Variants in ALKAL1 observed in about 807,000 individuals in gnomAD.
ALKAL1 encodes ALK and LTK ligand 1, also known as AUG-beta.
A neutral mutation model predicts 13.5 loss-of-function variants in ALKAL1; 23 were observed. That is an observed-to-expected ratio of 1.70 (90% CI 1.23 to 2.41). The LOEUF is 2.41. ALKAL1 is among the 30% of genes most tolerant of loss of function. The pLI is 0.00. For synonymous variants in ALKAL1, 85 were observed against 77.7 expected (o/e 1.09, Z -0.49); for missense variants, 181 against 178.4 (o/e 1.01, Z -0.08).
intron 1 of ALKAL1, among the ~76,000 whole-genome samples, chr8:52,553,237 A>G (rs943626764): frequency 3.9e-5 from 6 of 152,036 alleles, no homozygotes; most frequent in African/African-American, 1.4e-4. Context: ...GGTCCATGCT[A>G]TTTGGGAGGC....
intron 1 of ALKAL1, among the ~76,000 whole-genome samples, chr8:52,564,863 C>A (rs186429382): frequency 9.8e-5 from 15 of 152,306 alleles, no homozygotes; most frequent in Non-Finnish European, 1.6e-4. Flanking sequence ...CCATTGCCAG[C>A]CGGATTTCTT....
At chr8:52,544,789 A>G (rs1037823578) in intron 1 of ALKAL1, among the ~76,000 whole-genome samples, 5 of 152,234 alleles carry the variant, frequency 3.3e-5, no homozygotes, top group African/African-American at 1.2e-4. Flanking sequence ...GAGATGATGG[A>G]TATGATTTGC....
At chr8:52,564,642 A>G (rs1239992577) in intron 1 of ALKAL1, among the ~76,000 whole-genome samples, 1 of 152,144 alleles carries the variant, frequency 6.6e-6, no homozygotes, top group Non-Finnish European at 1.5e-5. Context: ...GGGAGGGGAA[A>G]GGGGCATTCC....
In ALKAL1 at chr8:52,538,474, A is replaced by G; in HGVS notation, c.359T>C (p.Leu120Ser). Residue 120 changes from leucine to serine, a missense_variant, in exon 4 of 5, where the codon TTA becomes TCA. Physicochemically the swap from Leu to Ser is moderately radical, Grantham distance 145. Transcript: ENST00000358543. ...YKRCARLLTRLAVSPLCSQT is the reference protein window; with the variant it reads ...YKRCARLLTRSAVSPLCSQT ...CTGGGAGCACAGTGGACTCACTGCT[A>G]ATCTTGTTAACAATCTAGCACATCT... 1 of 1,611,006 alleles carries G rather than the reference A, an allele frequency of 6.2e-7. No individual in the cohort carries two copies. Among genetic ancestry groups the G allele is most frequent in the Middle Eastern group, 1.7e-4 (1 of 6,028 alleles).
At chr8:52,560,032 C>T (rs183519181) in intron 1 of ALKAL1, among the ~76,000 whole-genome samples, 3 of 151,978 alleles carry the variant, frequency 2.0e-5, no homozygotes, top group East Asian at 3.9e-4. Flanking sequence ...CCGAGTAACC[C>T]CTAGTCTTCA....
rs1179162950 is a variant in ALKAL1 at position 52,544,488 on chromosome 8, A to C, written c.191-2043T>G. Among the ~76,000 whole-genome samples the C allele has an allele frequency of 5.4e-4, 83 of 152,314 alleles. 1 individual carries two copies. Among genetic ancestry groups the C allele is most frequent in the Non-Finnish European group, 2.9e-5 (2 of 68,020 alleles). On this transcript the variant is annotated intron_variant, in intron 1 of 4. Transcript: ENST00000358543. ...AAGGCTGCAGGTGCAGGTAGGCTTT[A>C]GAGTTAAGTCGTACACAAACTTTGT...
intron 1 of ALKAL1, 31 bp downstream of exon 1, chr8:52,565,036 C>G (rs1342259418): frequency 7.4e-7 from 1 of 1,347,188 alleles, no homozygotes; most frequent in East Asian, 3.1e-5. Context: ...AGGCGCAGGG[C>G]AAAGGATGGG....
At chr8:52,556,995 ATT>A in intron 1 of ALKAL1, among the ~76,000 whole-genome samples, 1 of 152,334 alleles carries the variant, frequency 6.6e-6, no homozygotes, top group African/African-American at 2.4e-5. Context: ...TGTTAGAGAC[ATT>A]GTTTTCAAAT....
chr8:52,561,312 T>G (rs6473737), intron 1 of ALKAL1, among the ~76,000 whole-genome samples: 131,833 of 152,194 alleles, frequency 0.87, 57,454 homozygotes, highest in African/African-American at 0.97. Flanking sequence ...CATCAGATCT[T>G]TGGGGATATT....
chr8:52,563,685 T>G (rs748902197), intron 1 of ALKAL1, among the ~76,000 whole-genome samples: 127 of 152,242 alleles, frequency 8.3e-4, no homozygotes, highest in Non-Finnish European at 9.4e-4. Flanking sequence ...GCACCATTGC[T>G]GCATGGCCGT....
rs56234946 is a variant in ALKAL1, at chr8:52,554,232, C to A, written c.190+10835G>T. Reference sequence around the variant, plus strand: ...AGAGTGAAGCTCCGTCACACACACACAAAAAAGCTAAAACATTTCAAAAAC... The same window carrying A: ...AGAGTGAAGCTCCGTCACACACACAAAAAAAAGCTAAAACATTTCAAAAAC... On this transcript the variant is annotated intron_variant, in intron 1 of 4. Coordinates refer to ENST00000358543, the MANE Select transcript of ALKAL1 (RefSeq NM_207413.4). Among the ~76,000 whole-genome samples the A allele has an allele frequency of 9.3e-3, 1,418 of 152,186 alleles. 12 individuals carry two copies. The highest frequency in any genetic ancestry group is 0.03 in the East Asian group (153 of 5,172).
At chr8:52,535,300 CA>C (rs888504989) in intron 4 of ALKAL1, among the ~76,000 whole-genome samples, 27 of 151,596 alleles carry the variant, frequency 1.8e-4, no homozygotes, top group African/African-American at 5.8e-4. Context: ...ATAATTCCAA[CA>C]CTTTGTGCAG....
chr8:52,550,493 C>T (rs149411102), intron 1 of ALKAL1, among the ~76,000 whole-genome samples: 45 of 152,290 alleles, frequency 3.0e-4, no homozygotes, highest in Non-Finnish European at 5.9e-4. Flanking sequence ...TAAGTACAGA[C>T]GGATTCTGCC....
intron 2 of ALKAL1, among the ~76,000 whole-genome samples, chr8:52,541,248 G>A (rs1847308985): frequency 6.6e-6 from 1 of 152,194 alleles, no homozygotes; most frequent in African/African-American, 2.4e-5. Context: ...GGCCAAGGCA[G>A]GAGGATCACT....
chr8:52,539,672 C>T (rs1012128626), intron 3 of ALKAL1, among the ~76,000 whole-genome samples, 159 bp downstream of exon 3: 3 of 152,082 alleles, frequency 2.0e-5, no homozygotes, highest in African/African-American at 7.2e-5. Flanking sequence ...GGCAACAGTA[C>T]ACACAAACCT....
Position 52,565,112 on chromosome 8 carries a change from G to A in ALKAL1, c.145C>T (p.Pro49Ser), listed in dbSNP as rs1847586924. 7.1e-7 allele frequency: 1 copy of A among 1,416,400 alleles called. No individual in the cohort carries two copies. Among genetic ancestry groups the A allele is most frequent in the Non-Finnish European group, 9.3e-7 (1 of 1,079,076 alleles). The allele number at this position is 1,416,400 out of a possible 1,614,324, so 87.7% of individuals were successfully genotyped here. A position where few individuals can be genotyped will look rare whatever the true frequency, so the allele number is the denominator to read the frequency against. ...GGAGTCCGGCCGGCCCCGGCCGCGG[G>A]GAGGAAAAGCAACGGCTTGGGCTCC... is the stretch of plus-strand genomic sequence containing the variant. ...DKEPKPLLFL[P>S]AAGAGRTPSG... Residue 49 changes from proline (P) to serine (S), a missense_variant, in exon 1 of 5, where the codon CCC becomes TCC. By Grantham distance (74) the Pro-to-Ser change is moderately conservative. Transcript: ENST00000358543.
At chr8:52,545,998 T>C (rs1847364957) in intron 1 of ALKAL1, among the ~76,000 whole-genome samples, 2 of 152,242 alleles carry the variant, frequency 1.3e-5, no homozygotes, top group Non-Finnish European at 2.9e-5. Context: ...ACAAAACCTG[T>C]TGTGCTGAAT....
At chr8:52,546,230 C>T (rs1475392220) in intron 1 of ALKAL1, among the ~76,000 whole-genome samples, 1 of 152,176 alleles carries the variant, frequency 6.6e-6, no homozygotes, top group Non-Finnish European at 1.5e-5. Context: ...GAGGCAGATC[C>T]AGCTTGCTCC....
intron 2 of ALKAL1, 53 bp downstream of exon 2, chr8:52,542,339 G>T (rs1322561629): frequency 8.4e-6 from 10 of 1,191,730 alleles, no homozygotes; most frequent in Non-Finnish European, 1.2e-5. Context: ...ATAGTATTCT[G>T]CACACAGTCT....
Sources: allele counts gnomAD v4.1 joint callset (sites outside exome capture counted in the v4.1 genomes callset), GRCh38; gene constraint gnomAD v4.1.1; transcripts MANE v1.5; gene names NCBI Gene and HGNC (gene_info 2026-07-23, HGNC 2026-07-21).